The following CPNE8 variants were observed in gnomAD, a reference collection of about 807,000 sequenced individuals.
CPNE8 encodes copine 8, also known as copine-8.
CPNE8 carries 45 observed loss-of-function variants against 81.5 expected under a neutral mutation model. The observed-to-expected ratio is 0.55, with a 90% CI of 0.44 to 0.71. The LOEUF is 0.71. Among genes scored for constraint, CPNE8 ranks in the 30% least tolerant of loss-of-function variants. The pLI is 0.00. For synonymous variants in CPNE8, 252 were observed against 226.3 expected, an observed-to-expected ratio of 1.11 and a Z score of -1.02; for missense variants, 594 against 672.1, an observed-to-expected ratio of 0.88 and a Z score of 1.28.
In CPNE8 at chr12:38,767,693, C is replaced by T. The variant is rs1941718357; in HGVS notation, c.517G>A (p.Asp173Asn). The change falls in exon 8 of 20, where the codon GAC becomes AAC. Residue 173 changes from aspartate (D) to asparagine (N), a missense_variant. Coordinates refer to ENST00000331366, the MANE Select transcript of CPNE8 (RefSeq NM_153634.3). ...QFCANKLDKKDFFGKSDPFLV... is the reference protein window; with the variant it reads ...QFCANKLDKKNFFGKSDPFLV... ...AAAGGATCTGATTTTCCAAAGAAGTCCTTCTTGTCCAATTTGTTCGCACAA... is the reference window on the plus strand; with the variant it reads ...AAAGGATCTGATTTTCCAAAGAAGTTCTTCTTGTCCAATTTGTTCGCACAA... The T allele has an allele frequency of 6.4e-7, 1 of 1,559,638 alleles. No homozygotes were observed. Among genetic ancestry groups the T allele is most frequent in the South Asian group, 1.3e-5 (1 of 78,964 alleles).
At position 38,774,326 on chromosome 12, in the gene CPNE8, T is replaced by C. The variant is rs1941875108; in HGVS notation, c.471+1912A>G. On this transcript the variant is annotated intron_variant, in intron 7 of 19. Coordinates refer to ENST00000331366, the MANE Select transcript of CPNE8 (RefSeq NM_153634.3). ...TGTTAATATCACCAAAAAGAACATG[T>C]ATCTTATTGACTGTGAACTTCCTTT... is the stretch of plus-strand genomic sequence containing the variant. Among the ~76,000 whole-genome samples, 3 of 152,082 alleles carry C rather than the reference T, an allele frequency of 2.0e-5. No homozygotes were observed. In the South Asian group the frequency reaches 6.2e-4, roughly 31 times the overall value.
At chr12:38,885,656 C>A (rs1944227643) in intron 1 of CPNE8, among the ~76,000 whole-genome samples, 1 of 151,968 alleles carries the variant, frequency 6.6e-6, no homozygotes, top group Non-Finnish European at 1.5e-5. Flanking sequence ...TAACTGCTTC[C>A]TCTACTTCTC....
At chr12:38,752,256 C>T (rs977414482) in intron 10 of CPNE8, among the ~76,000 whole-genome samples, 15 of 152,138 alleles carry the variant, frequency 9.9e-5, no homozygotes, top group Non-Finnish European at 1.9e-4. Context: ...AATATGGCTA[C>T]GATCTCTCCA....
At chr12:38,704,576 T>C (rs1367150752) in intron 13 of CPNE8, among the ~76,000 whole-genome samples, 1 of 151,974 alleles carries the variant, frequency 6.6e-6, no homozygotes, top group South Asian at 2.1e-4. Flanking sequence ...TAGCCTATTT[T>C]ACTGTGTTCT....
intron 12 of CPNE8, among the ~76,000 whole-genome samples, chr12:38,724,461 C>T (rs1368279028): frequency 2.0e-5 from 3 of 152,142 alleles, no homozygotes; most frequent in Non-Finnish European, 4.4e-5. Flanking sequence ...ATACACATCC[C>T]ACGAAACGAG....
chr12:38,769,620 A>T (rs1252517750), intron 7 of CPNE8, among the ~76,000 whole-genome samples: 4 of 152,212 alleles, frequency 2.6e-5, no homozygotes, highest in African/African-American at 9.6e-5. Flanking sequence ...GAAAAACATT[A>T]CACTTTAACA....
At chr12:38,710,308 G>GT (rs1365229887) in intron 13 of CPNE8, among the ~76,000 whole-genome samples, 3 of 118,158 alleles carry the variant, frequency 2.5e-5, no homozygotes, top group Non-Finnish European at 5.3e-5. Flanking sequence ...AACCGAAACT[G>GT]TAAGCACTAT....
chr12:38,902,552 C>A (rs545333434), intron 1 of CPNE8, among the ~76,000 whole-genome samples: 1 of 152,312 alleles, frequency 6.6e-6, no homozygotes, highest in Admixed American at 6.5e-5. Flanking sequence ...CAAGGGAATT[C>A]CTTACTCTGC....
At chr12:38,750,345 G>A (rs960666755) in intron 10 of CPNE8, among the ~76,000 whole-genome samples, 1 of 152,182 alleles carries the variant, frequency 6.6e-6, no homozygotes, top group African/African-American at 2.4e-5. Context: ...TAGTGGAGCT[G>A]TGAGAAGAGG....
chr12:38,853,078 T>C (rs1482963542), intron 3 of CPNE8, among the ~76,000 whole-genome samples: 2 of 152,202 alleles, frequency 1.3e-5, no homozygotes, highest in Non-Finnish European at 2.9e-5. Context: ...TACAGATATG[T>C]TATGACTAGT....
At chr12:38,896,059 A>T (rs1944384109) in intron 1 of CPNE8, among the ~76,000 whole-genome samples, 3 of 152,136 alleles carry the variant, frequency 2.0e-5, no homozygotes, top group Non-Finnish European at 2.9e-5. Flanking sequence ...ATTGTCTGAC[A>T]AAGAGTTAGA....
At chr12:38,659,468 A>C (rs1038607045) in intron 19 of CPNE8, among the ~76,000 whole-genome samples, 1 of 152,190 alleles carries the variant, frequency 6.6e-6, no homozygotes, top group Non-Finnish European at 1.5e-5. Flanking sequence ...TTAACACCCC[A>C]CTGTCAATAT....
intron 2 of CPNE8, 130 bp from the exon 3 acceptor site, chr12:38,873,180 T>G: frequency 1.8e-6 from 1 of 564,786 alleles, no homozygotes; most frequent in Non-Finnish European, 3.1e-6. Flanking sequence ...GACTTACCCT[T>G]GCAAAAAAAA....
At chr12:38,654,319 C>T (rs1938770104) in intron 19 of CPNE8, among the ~76,000 whole-genome samples, 1 of 151,716 alleles carries the variant, frequency 6.6e-6, no homozygotes, top group Non-Finnish European at 1.5e-5. Context: ...AGTTCAAGAC[C>T]AGCCTGACCA....
intron 13 of CPNE8, among the ~76,000 whole-genome samples, chr12:38,714,379 T>C (rs1226391463): frequency 6.6e-6 from 1 of 152,044 alleles, no homozygotes; most frequent in African/African-American, 2.4e-5. Flanking sequence ...TAGACAATTG[T>C]ATTCAAATTT....
intron 16 of CPNE8, among the ~76,000 whole-genome samples, chr12:38,680,922 G>GA (rs1172724009): frequency 1.3e-5 from 2 of 151,562 alleles, no homozygotes; most frequent in Non-Finnish European, 3.0e-5. Context: ...GAAAAAAACA[G>GA]AAAAAAATTA....
rs140733484 is a variant in CPNE8, at chr12:38,693,100, A to T, written c.1143+557T>A. ...CCCAGCTTTTCAGCTATCCAAGCTCAGGCCCAAGACATGAATGAACATGAG... is the reference window on the plus strand; with the variant it reads ...CCCAGCTTTTCAGCTATCCAAGCTCTGGCCCAAGACATGAATGAACATGAG... On this transcript the variant is annotated intron_variant, in intron 15 of 19. Transcript: ENST00000331366. Among the ~76,000 whole-genome samples, 258 of 152,344 alleles carry T rather than the reference A, an allele frequency of 1.7e-3. 1 individual carries two copies. The highest frequency in any genetic ancestry group is 4.6e-3 in the African/African-American group (191 of 41,590).
At chr12:38,658,871 G>C (rs1189105155) in intron 19 of CPNE8, among the ~76,000 whole-genome samples, 2 of 152,138 alleles carry the variant, frequency 1.3e-5, no homozygotes, top group African/African-American at 4.8e-5. Flanking sequence ...TCACCACCAG[G>C]CCTGCCTTAC....
At chr12:38,854,123 A>T (rs1943689119) in intron 3 of CPNE8, among the ~76,000 whole-genome samples, 1 of 152,056 alleles carries the variant, frequency 6.6e-6, no homozygotes, top group African/African-American at 2.4e-5. Context: ...TTCTGACATA[A>T]TATTAAGATA....
Sources: allele counts gnomAD v4.1 joint callset (sites outside exome capture counted in the v4.1 genomes callset), GRCh38; gene constraint gnomAD v4.1.1; transcripts MANE v1.5; gene names NCBI Gene and HGNC (gene_info 2026-07-23, HGNC 2026-07-21).